The following SNX29 variants were observed in gnomAD, a reference collection of about 807,000 sequenced individuals.
The protein encoded by SNX29 is sorting nexin 29.
A neutral mutation model predicts 102.1 loss-of-function variants in SNX29; 78 were observed. The ratio of observed to expected loss-of-function variants is 0.76; its 90% CI spans 0.64 to 0.92. SNX29 has a LOEUF of 0.92. Ranked by LOEUF, SNX29 falls within the 40% of genes least tolerant of loss-of-function variation. SNX29 has a pLI of 0.00. For synonymous variants in SNX29, 580 were observed against 414.5 expected (o/e 1.40, Z -4.85); for missense variants, 1,280 against 1,061.7 (o/e 1.21, Z -2.86).
Position 12,398,511 on chromosome 16 carries a change from C to A in SNX29, c.1955+10C>A, listed in dbSNP as rs533587399. On this transcript the variant is annotated intron_variant, in intron 17 of 20. Transcript: ENST00000566228. ...TGTCGGATTTTGAAATGTAAGTCCA[C>A]AGCCTGTGCTCACAAGGGGTCCTTT... 3 of 1,613,936 alleles carry A rather than the reference C, an allele frequency of 1.9e-6. No homozygotes were observed. The highest frequency in any genetic ancestry group is 8.5e-7 in the Non-Finnish European group (1 of 1,179,852).
intron 18 of SNX29, among the ~76,000 whole-genome samples, chr16:12,460,136 C>A (rs2086716690): frequency 6.6e-6 from 1 of 152,186 alleles, no homozygotes. Flanking sequence ...CTGGCTGAAT[C>A]ACGACCTCCC....
At chr16:12,389,549 C>T (rs2083451381) in intron 16 of SNX29, among the ~76,000 whole-genome samples, 1 of 152,168 alleles carries the variant, frequency 6.6e-6, no homozygotes, top group Admixed American at 6.5e-5. Context: ...AACTGTGAGT[C>T]CATTAAACCT....
intron 18 of SNX29, chr16:12,442,883 A>G (rs1298129862): frequency 1.0e-5 from 4 of 396,106 alleles, no homozygotes; most frequent in African/African-American, 2.1e-5. Flanking sequence ...GTCAGCCACC[A>G]TACCTGGCTG....
At chr16:12,030,978 G>A (rs141523333) in intron 4 of SNX29, among the ~76,000 whole-genome samples, 1,573 of 152,300 alleles carry the variant, frequency 0.01, 23 homozygotes, top group African/African-American at 0.036. Flanking sequence ...TTCAGCAGCT[G>A]AAGCACTAAT....
intron 20 of SNX29, among the ~76,000 whole-genome samples, chr16:12,554,057 C>T (rs151090456): frequency 6.6e-6 from 1 of 152,182 alleles, no homozygotes; most frequent in South Asian, 2.1e-4. Context: ...AAATCCTGAC[C>T]TCAAATGATC....
At chr16:12,565,665 A>G (rs2078971100) in intron 20 of SNX29, among the ~76,000 whole-genome samples, 1 of 152,154 alleles carries the variant, frequency 6.6e-6, no homozygotes, top group African/African-American at 2.4e-5. Flanking sequence ...AGCTCAGTGC[A>G]CGTCCCGAGC....
At position 12,036,651 on chromosome 16, in the gene SNX29, TTTG is replaced by T. The variant is rs923583419; in HGVS notation, c.248-6230_248-6228del. Among the ~76,000 whole-genome samples the T allele has an allele frequency of 1.2e-4, 13 of 110,432 alleles. No homozygotes were observed. In the East Asian group the frequency reaches 1.2e-3, roughly 10 times the overall value. The allele number at this position is 110,432 out of a possible 152,430, so 72.4% of individuals were successfully genotyped here. A position where few individuals can be genotyped will look rare whatever the true frequency, so the allele number is the denominator to read the frequency against. On this transcript the variant is annotated intron_variant, in intron 4 of 20. Transcript: ENST00000566228. ...GCCCAGCGGGTTTTCTGTTTTTGTT[TTTG>T]TTGTTGTTGTTGTTGAGCAATGCTT...
chr16:12,310,348 G>A (rs939762109), intron 15 of SNX29, among the ~76,000 whole-genome samples: 4 of 152,178 alleles, frequency 2.6e-5, no homozygotes, highest in Admixed American at 1.3e-4. Context: ...GGAAATACAC[G>A]TTCACACAAG....
At chr16:12,561,151 G>A (rs948498341) in intron 20 of SNX29, 2 of 229,502 alleles carry the variant, frequency 8.7e-6, no homozygotes, top group African/African-American at 2.2e-5. Flanking sequence ...TGTTGCCTAG[G>A]AATGAATTCA....
chr16:12,535,374 G>A (rs907707657), intron 20 of SNX29, among the ~76,000 whole-genome samples: 1 of 152,204 alleles, frequency 6.6e-6, no homozygotes, highest in Non-Finnish European at 1.5e-5. Flanking sequence ...GGCCTCAAGT[G>A]ATTCACCCAT....
intron 20 of SNX29, among the ~76,000 whole-genome samples, chr16:12,562,156 T>C (rs1279576260): frequency 6.6e-6 from 1 of 152,130 alleles, no homozygotes; most frequent in Non-Finnish European, 1.5e-5. Context: ...ACCAGGTCTG[T>C]GGAGTAAGAT....
intron 16 of SNX29, among the ~76,000 whole-genome samples, chr16:12,369,633 C>T (rs1217834975): frequency 1.3e-5 from 2 of 152,178 alleles, no homozygotes; most frequent in African/African-American, 4.8e-5. Flanking sequence ...CATTCTGTCT[C>T]AGTGCCACCT....
chr16:12,352,631 C>A lies in SNX29; in HGVS notation c.1783-3532C>A, dbSNP rs142105032. Among the ~76,000 whole-genome samples, 286 of 152,332 alleles carry A rather than the reference C, an allele frequency of 1.9e-3. 1 individual carries two copies. The highest frequency in any genetic ancestry group is 3.5e-3 in the Non-Finnish European group (238 of 68,028). ...AGATGATGACTCATAGTCTTTGCAC[C>A]TCGTTAACTGATAAGTTGTGCACCT... On this transcript the variant is annotated intron_variant, in intron 15 of 20. Coordinates refer to ENST00000566228, the MANE Select transcript of SNX29 (RefSeq NM_032167.5).
At chr16:12,533,564 C>G (rs1014511725) in intron 20 of SNX29, among the ~76,000 whole-genome samples, 7 of 152,178 alleles carry the variant, frequency 4.6e-5, no homozygotes, top group Admixed American at 2.6e-4. Context: ...TTCTTAGCCT[C>G]GTCATTATCA....
rs2079177365 is a variant in SNX29, at chr16:12,571,066, G to C, written c.*2437G>C. On this transcript the variant is annotated 3_prime_UTR_variant, in exon 21 of 21. Coordinates refer to ENST00000566228, the MANE Select transcript of SNX29 (RefSeq NM_032167.5). ...CATTCTCACTCTAAAAATGCTGGTG[G>C]CCCGCACATGACAGCAACTCCCCGA... The C allele has an allele frequency of 4.3e-6, 1 of 232,652 alleles. No homozygotes were observed. The highest frequency in any genetic ancestry group is 2.2e-5 in the African/African-American group (1 of 45,414). The allele number at this position is 232,652 out of a possible 1,614,324, so 14.4% of individuals were successfully genotyped here.
chr16:12,415,019 G>A (rs1023963123), intron 18 of SNX29, among the ~76,000 whole-genome samples: 5 of 152,308 alleles, frequency 3.3e-5, no homozygotes, highest in South Asian at 4.1e-4. Flanking sequence ...CACTGCACCC[G>A]GCCTGTTGTC....
chr16:12,235,042 G>A (rs935114778), intron 14 of SNX29, among the ~76,000 whole-genome samples: 1 of 151,628 alleles, frequency 6.6e-6, no homozygotes, highest in Non-Finnish European at 1.5e-5. Flanking sequence ...CTTTGGCTTT[G>A]TCTCTTTCTC....
chr16:12,315,021 A>T (rs571372357), intron 15 of SNX29, among the ~76,000 whole-genome samples: 10 of 152,356 alleles, frequency 6.6e-5, no homozygotes, highest in Non-Finnish European at 1.2e-4. Flanking sequence ...TTGACAGGCA[A>T]TTCTGTTCCC....
chr16:12,236,921 A>G (rs996979426), intron 14 of SNX29, among the ~76,000 whole-genome samples: 6 of 152,228 alleles, frequency 3.9e-5, no homozygotes, highest in Non-Finnish European at 7.3e-5. Flanking sequence ...TCGGTGCTGC[A>G]TGAATGGATG....
Sources: allele counts gnomAD v4.1 joint callset (sites outside exome capture counted in the v4.1 genomes callset), GRCh38; gene constraint gnomAD v4.1.1; transcripts MANE v1.5; gene names NCBI Gene and HGNC (gene_info 2026-07-23, HGNC 2026-07-21).